The following NALF1 variants were observed in gnomAD, a reference collection of about 807,000 sequenced individuals.
NALF1 encodes NALCN channel auxiliary factor 1.
Under a neutral mutation model 48.4 loss-of-function variants are expected in NALF1, and 3 were observed. The observed-to-expected ratio is 0.06, with a 90% CI of 0.03 to 0.16. The LOEUF is 0.16. Ranked by LOEUF, NALF1 falls within the 10% of genes least tolerant of loss-of-function variation. NALF1 has a pLI of 1.00. For synonymous variants in NALF1, 262 were observed against 245.7 expected (o/e 1.07, Z -0.62); for missense variants, 526 against 571.5 (o/e 0.92, Z 0.81).
intron 1 of NALF1, among the ~76,000 whole-genome samples, chr13:107,298,854 C>G (rs1214450826): frequency 6.6e-6 from 1 of 152,168 alleles, no homozygotes; most frequent in Non-Finnish European, 1.5e-5. Flanking sequence ...TAACAACTTA[C>G]ATAACTACAA....
At chr13:107,259,770 A>G (rs1467976666) in intron 1 of NALF1, among the ~76,000 whole-genome samples, 4 of 152,212 alleles carry the variant, frequency 2.6e-5, no homozygotes, top group Non-Finnish European at 5.9e-5. Flanking sequence ...CTTAGCACCT[A>G]TGAGTAGTAG....
rs534952157 is a variant in NALF1 at position 107,199,520 on chromosome 13, G to C, written c.1087+11064C>G. On this transcript the variant is annotated intron_variant, in intron 2 of 2. Coordinates refer to ENST00000375915, the MANE Select transcript of NALF1 (RefSeq NM_001080396.3). ...ATACGGTCACATTCTGGGGTGCTGGGGGTTAGGATGTCAACATCTGAATTT... is the reference window on the plus strand; with the variant it reads ...ATACGGTCACATTCTGGGGTGCTGGCGGTTAGGATGTCAACATCTGAATTT... 5.3e-5 allele frequency among the ~76,000 whole-genome samples: 8 copies of C among 152,182 alleles called. No individual in the cohort carries two copies. In the South Asian group the frequency reaches 1.7e-3, roughly 32 times the overall value.
intron 1 of NALF1, among the ~76,000 whole-genome samples, chr13:107,371,534 C>T (rs1883249005): frequency 6.6e-6 from 1 of 152,122 alleles, no homozygotes; most frequent in African/African-American, 2.4e-5. Flanking sequence ...AAAGGTGGTA[C>T]TTCATTAGAC....
rs918189205 is a variant in NALF1 at position 107,386,549 on chromosome 13, T to C, written c.916-175794A>G. 2.6e-5 allele frequency among the ~76,000 whole-genome samples: 4 copies of C among 152,290 alleles called. No individual in the cohort carries two copies. In the South Asian group the frequency reaches 8.3e-4, roughly 32 times the overall value. On this transcript the variant is annotated intron_variant, in intron 1 of 2. Transcript: ENST00000375915. ...ATCCCTAAGCCCAGTAAATTCTTGT[T>C]TTTGTGATAAGCACTCCAGTGCTTA...
rs1435229821 is a variant in NALF1 at position 107,867,196 on chromosome 13, C to T, written c.-600G>A. Among the ~76,000 whole-genome samples the T allele has an allele frequency of 6.6e-6, 1 of 151,824 alleles. No homozygotes were observed. The highest frequency in any genetic ancestry group is 1.5e-5 in the Non-Finnish European group (1 of 67,900). ...TCCTTTCCTTCTCCTTCTTCTTCTC[C>T]TCCGCCTCCCGCTCCTGCTCCGCGC... is the stretch of plus-strand genomic sequence containing the variant. On this transcript the variant is annotated 5_prime_UTR_variant, in exon 1 of 3. Coordinates refer to ENST00000375915, the MANE Select transcript of NALF1 (RefSeq NM_001080396.3). This position sits in a 1 kb window ranked among gnomAD's most constrained non-coding sequence, Gnocchi z 4.4.
chr13:107,858,840 A>C (rs1880499721), intron 1 of NALF1, among the ~76,000 whole-genome samples: 1 of 152,248 alleles, frequency 6.6e-6, no homozygotes, highest in Non-Finnish European at 1.5e-5. Flanking sequence ...GACATCTAAT[A>C]AATTCTGAAG....
At chr13:107,710,635 AACTC>A (rs1423098295) in intron 1 of NALF1, among the ~76,000 whole-genome samples, 1 of 149,384 alleles carries the variant, frequency 6.7e-6, no homozygotes, top group Non-Finnish European at 1.5e-5. Context: ...ATCTCGTGAG[AACTC>A]ACTATCGCAA....
In NALF1 at chr13:107,222,740, A is replaced by T. The variant is rs185179959; in HGVS notation, c.916-11985T>A. ...TATATAACTGACTAGGCAAGACCCG[A>T]ATATTAACATAAGGGCAAGAACCTG... On this transcript the variant is annotated intron_variant, in intron 1 of 2. Transcript: ENST00000375915. Among the ~76,000 whole-genome samples, 293 of 152,322 alleles carry T rather than the reference A, an allele frequency of 1.9e-3. 7 individuals carry two copies. Among genetic ancestry groups the T allele is most frequent in the Admixed American group, 0.017 (253 of 15,298 alleles).
intron 1 of NALF1, among the ~76,000 whole-genome samples, chr13:107,772,680 G>A (rs1030823596): frequency 6.6e-6 from 1 of 152,130 alleles, no homozygotes; most frequent in Admixed American, 6.5e-5. Flanking sequence ...GAAATTCTGG[G>A]GTGAAATATT....
intron 1 of NALF1, among the ~76,000 whole-genome samples, chr13:107,577,137 C>T (rs1878177176): frequency 2.0e-5 from 3 of 152,144 alleles, no homozygotes; most frequent in Admixed American, 2.0e-4. Flanking sequence ...CAGGTTAGTT[C>T]CATCTTCTAC....
chr13:107,330,118 C>G (rs1882441139), intron 1 of NALF1, among the ~76,000 whole-genome samples: 1 of 152,112 alleles, frequency 6.6e-6, no homozygotes, highest in Admixed American at 6.6e-5. Context: ...GAGAAGGCTG[C>G]ACTGAATAGC....
At chr13:107,508,356 T>C (rs1875767990) in intron 1 of NALF1, among the ~76,000 whole-genome samples, 1 of 151,090 alleles carries the variant, frequency 6.6e-6, no homozygotes, top group African/African-American at 2.4e-5. Flanking sequence ...TATCATATAG[T>C]GGTATATTAA....
chr13:107,834,930 G>A (rs1879846511), intron 1 of NALF1, among the ~76,000 whole-genome samples: 1 of 152,196 alleles, frequency 6.6e-6, no homozygotes, highest in Non-Finnish European at 1.5e-5. Flanking sequence ...GCACAGAGGA[G>A]GGAAGGGAAA....
At chr13:107,375,215 T>G (rs1883316708) in intron 1 of NALF1, among the ~76,000 whole-genome samples, 2 of 152,224 alleles carry the variant, frequency 1.3e-5, no homozygotes, top group Admixed American at 1.3e-4. Context: ...TGTGTGTATG[T>G]GCATATGTAT....
At chr13:107,692,294 T>A (rs1031788031) in intron 1 of NALF1, among the ~76,000 whole-genome samples, 1 of 152,224 alleles carries the variant, frequency 6.6e-6, no homozygotes, top group Non-Finnish European at 1.5e-5. Context: ...TTGATCAACA[T>A]TGAATACCTG....
At chr13:107,804,320 TGG>T (rs1438085639) in intron 1 of NALF1, among the ~76,000 whole-genome samples, 1 of 152,136 alleles carries the variant, frequency 6.6e-6, no homozygotes, top group Non-Finnish European at 1.5e-5. Flanking sequence ...TCCCTAGTGC[TGG>T]GGAGACAGAG....
At chr13:107,819,447 C>T (rs1879288549) in intron 1 of NALF1, among the ~76,000 whole-genome samples, 4 of 151,928 alleles carry the variant, frequency 2.6e-5, no homozygotes, top group Admixed American at 2.6e-4. Flanking sequence ...ATCTTTTGCT[C>T]ATACTTCTTA....
chr13:107,496,225 G>T (rs1258123421), intron 1 of NALF1, among the ~76,000 whole-genome samples: 2 of 152,066 alleles, frequency 1.3e-5, no homozygotes, highest in African/African-American at 2.4e-5. Context: ...CATGTGTTTT[G>T]AAATGTTAAA....
At position 107,331,148 on chromosome 13, in the gene NALF1, AAACTTC is replaced by A. The variant is rs137925916; in HGVS notation, c.916-120399_916-120394del. The stretch of plus-strand genomic sequence containing the variant: ...AGAACAATAGTAAATACATATTTGG[AAACTTC>A]AACTTTATAATATTGAATGAAAATG... On this transcript the variant is annotated intron_variant, in intron 1 of 2. Coordinates refer to ENST00000375915, the MANE Select transcript of NALF1 (RefSeq NM_001080396.3). Among the ~76,000 whole-genome samples, 42 of 152,330 alleles carry A rather than the reference AAACTTC, an allele frequency of 2.8e-4. 1 individual carries two copies. The East Asian group carries it at 7.9e-3, about 29-fold the overall frequency.
Sources: gnomAD v4.1 joint callset for allele counts (sites outside exome capture counted in the v4.1 genomes callset) on GRCh38, gnomAD v4.1.1 for gene constraint, Gnocchi (gnomAD v3.1) non-coding constraint, MANE v1.5 for transcripts, NCBI Gene and HGNC (gene_info 2026-07-23, HGNC 2026-07-21) for gene names.